Variants in CFAP54 observed in about 807,000 individuals in gnomAD.
CFAP54 encodes the protein cilia- and flagella-associated protein 54.
A neutral mutation model predicts 370.4 loss-of-function variants in CFAP54; 290 were observed. That is an observed-to-expected ratio of 0.78 (90% CI 0.71 to 0.86). The LOEUF is 0.86. Among genes scored for constraint, CFAP54 ranks in the 40% least tolerant of loss-of-function variants. The pLI is 0.00. For synonymous variants in CFAP54, 1,206 were observed against 1,236.5 expected (o/e 0.98, Z 0.52); for missense variants, 3,399 against 3,528.7 (o/e 0.96, Z 0.93).
intron 36 of CFAP54, 47 bp downstream of exon 36, chr12:96,651,862 T>C: frequency 8.3e-7 from 1 of 1,208,110 alleles, no homozygotes; most frequent in South Asian, 1.3e-5. Flanking sequence ...GTTAAAAATA[T>C]CGTACTGTGC....
At chr12:96,524,666 T>TG in intron 8 of CFAP54, among the ~76,000 whole-genome samples, 1 of 152,258 alleles carries the variant, frequency 6.6e-6, no homozygotes, top group Admixed American at 6.5e-5. Flanking sequence ...CAAAATTTGC[T>TG]GGGGGTCAGT....
At chr12:96,623,619 C>T (rs1592890845) in intron 27 of CFAP54, 148 bp from the exon 28 acceptor site, 2 of 572,524 alleles carry the variant, frequency 3.5e-6, no homozygotes, top group Non-Finnish European at 6.2e-6. Context: ...TGTTATTATT[C>T]ATTGTTGTTA....
At chr12:96,816,961 T>G (rs1958980460) in intron 64 of CFAP54, among the ~76,000 whole-genome samples, 1 of 152,198 alleles carries the variant, frequency 6.6e-6, no homozygotes, top group African/African-American at 2.4e-5. Context: ...CCTACCTCCC[T>G]TCCTCCACCC....
At position 96,554,760 on chromosome 12, in the gene CFAP54, G is replaced by A. The variant is rs1217263053; in HGVS notation, c.2368G>A (p.Ala790Thr). 9 of 1,534,882 alleles carry A rather than the reference G, an allele frequency of 5.9e-6. No individual in the cohort carries two copies. The highest frequency in any genetic ancestry group is 7.0e-6 in the Non-Finnish European group (8 of 1,146,124). ...MMDLHLELIQ[A>T]QHRIAVVLLD... Reference sequence around the variant, plus strand: ...GGATTTGCATCTTGAACTAATTCAAGCTCAGCATCGAATAGCTGTTGTGCT... The same window carrying A: ...GGATTTGCATCTTGAACTAATTCAAACTCAGCATCGAATAGCTGTTGTGCT... Residue 790 changes from alanine (A) to threonine (T), a missense_variant, in exon 17 of 68, where the codon GCT (alanine) becomes ACT (threonine). Ala to Thr is a moderately conservative substitution (Grantham distance 58). Coordinates refer to ENST00000524981, the MANE Select transcript of CFAP54 (RefSeq NM_001306084.2).
intron 32 of CFAP54, among the ~76,000 whole-genome samples, chr12:96,637,615 T>A (rs1956675608): frequency 6.6e-6 from 1 of 152,178 alleles, no homozygotes; most frequent in Admixed American, 6.5e-5. Flanking sequence ...CTAAAGCAAG[T>A]CTCAAGAAAT....
At chr12:96,525,688 A>T (rs1955372219) in intron 8 of CFAP54, among the ~76,000 whole-genome samples, 1 of 152,096 alleles carries the variant, frequency 6.6e-6, no homozygotes, top group South Asian at 2.1e-4. Context: ...CATGAAGTTC[A>T]AGTTTTGTTG....
intron 13 of CFAP54, 189 bp downstream of exon 13, chr12:96,538,707 A>C: frequency 1.7e-6 from 1 of 574,684 alleles, no homozygotes; most frequent in Non-Finnish European, 2.9e-6. Flanking sequence ...TGTTCCCTGC[A>C]CTCCTGTTCT....
intron 67 of CFAP54, among the ~76,000 whole-genome samples, chr12:96,862,591 G>A (rs1959905041): frequency 6.6e-6 from 1 of 151,982 alleles, no homozygotes. Flanking sequence ...TATAATGAAA[G>A]GGAAAGAAAC....
intron 60 of CFAP54, among the ~76,000 whole-genome samples, chr12:96,775,984 A>C (rs1012942685): frequency 4.6e-5 from 7 of 152,270 alleles, no homozygotes; most frequent in Admixed American, 4.6e-4. Context: ...TTCTTGTAAT[A>C]GGTGATTTAA....
chr12:96,586,495 G>A (rs1956077116), intron 22 of CFAP54, among the ~76,000 whole-genome samples: 1 of 152,174 alleles, frequency 6.6e-6, no homozygotes, highest in Admixed American at 6.5e-5. Flanking sequence ...ATCAAGGAAG[G>A]CGAGATTTAA....
intron 1 of CFAP54, among the ~76,000 whole-genome samples, chr12:96,491,192 A>G (rs1029023118): frequency 3.3e-5 from 5 of 152,124 alleles, no homozygotes; most frequent in African/African-American, 9.7e-5. Context: ...GGTCAGGAAA[A>G]GTTGCTTTTG....
chr12:96,793,077 T>G (rs1393053352), intron 63 of CFAP54, among the ~76,000 whole-genome samples: 2 of 152,138 alleles, frequency 1.3e-5, no homozygotes, highest in Non-Finnish European at 2.9e-5. Flanking sequence ...CAATAGGTTT[T>G]TGAGGAACAG....
At chr12:96,790,393 T>A (rs1431959682) in intron 62 of CFAP54, among the ~76,000 whole-genome samples, 1 of 152,148 alleles carries the variant, frequency 6.6e-6, no homozygotes, top group African/African-American at 2.4e-5. Context: ...AATTAGCATA[T>A]GTAATGAATC....
intron 66 of CFAP54, among the ~76,000 whole-genome samples, chr12:96,851,099 T>C (rs1161837169): frequency 6.6e-6 from 1 of 152,226 alleles, no homozygotes; most frequent in African/African-American, 2.4e-5. Context: ...TTTGAAATTA[T>C]GTAAATTTTA....
intron 40 of CFAP54, among the ~76,000 whole-genome samples, chr12:96,682,926 A>G (rs1031899395): frequency 2.0e-5 from 3 of 151,854 alleles, no homozygotes; most frequent in Admixed American, 1.3e-4. Context: ...GGGGATGGAG[A>G]TGATGTTCTT....
intron 57 of CFAP54, among the ~76,000 whole-genome samples, chr12:96,756,931 G>A (rs1958266038): frequency 6.6e-6 from 1 of 152,060 alleles, no homozygotes; most frequent in Non-Finnish European, 1.5e-5. Context: ...ACCAGGACTG[G>A]CCAACTTAAT....
At chr12:96,862,208 A>G (rs1390924366) in intron 67 of CFAP54, among the ~76,000 whole-genome samples, 1 of 152,234 alleles carries the variant, frequency 6.6e-6, no homozygotes, top group African/African-American at 2.4e-5. Context: ...TGTAGAGGAA[A>G]CAAGCCTTTA....
intron 63 of CFAP54, among the ~76,000 whole-genome samples, chr12:96,809,584 C>T (rs950401582): frequency 3.3e-5 from 5 of 152,098 alleles, no homozygotes; most frequent in African/African-American, 1.2e-4. Flanking sequence ...GAGTTTTCTC[C>T]TGATCTTTGT....
At position 96,548,788 on chromosome 12, in the gene CFAP54, C is replaced by A. The variant is rs114001362; in HGVS notation, c.2154+810C>A. ...CAGTGTCTGCTAAATATGCAGCTTC[C>A]TATCTCTCACTCCAGACATATGCAA... On this transcript the variant is annotated intron_variant, in intron 15 of 67. Coordinates refer to ENST00000524981, the MANE Select transcript of CFAP54 (RefSeq NM_001306084.2). Among the ~76,000 whole-genome samples the A allele has an allele frequency of 4.3e-3, 658 of 152,220 alleles. 6 individuals carry two copies. The highest frequency in any genetic ancestry group is 0.015 in the African/African-American group (612 of 41,532).
Sources: allele counts gnomAD v4.1 joint callset (sites outside exome capture counted in the v4.1 genomes callset), GRCh38; gene constraint gnomAD v4.1.1; transcripts MANE v1.5; gene names NCBI Gene and HGNC (gene_info 2026-07-23, HGNC 2026-07-21).